The following UCMA variants were observed in gnomAD, a reference collection of about 807,000 sequenced individuals.
The protein encoded by UCMA is upper zone of growth plate and cartilage matrix-associated protein.
Under a neutral mutation model 21.8 loss-of-function variants are expected in UCMA, and 21 were observed. That is an observed-to-expected ratio of 0.97 (90% CI 0.68 to 1.39). The LOEUF is 1.39. Among genes scored for constraint, UCMA ranks in the 40% most tolerant of loss-of-function variants. The pLI, the probability that UCMA is intolerant of heterozygous loss-of-function variation, is 0.00. For missense variants in UCMA, 193 were observed against 178.9 expected (o/e 1.08, Z -0.45); for synonymous variants, 76 against 67.9 (o/e 1.12, Z -0.58).
Position 13,234,187 on chromosome 10 carries a change from C to A in UCMA, c.58+14G>T. The A allele has an allele frequency of 6.2e-7, 1 of 1,608,152 alleles. No homozygotes were observed. Among genetic ancestry groups the A allele is most frequent in the Non-Finnish European group, 8.5e-7 (1 of 1,177,748 alleles). ...TGTAACTAACACCCTCCACCTTGAC[C>A]CTCCTGTACTCACTAGACAGGAGCA... On this transcript the variant is annotated intron_variant, in intron 1 of 4. Transcript: ENST00000378681.
intron 3 of UCMA, among the ~76,000 whole-genome samples, chr10:13,233,077 C>A (rs1434208007): frequency 2.0e-5 from 3 of 152,166 alleles, no homozygotes; most frequent in Non-Finnish European, 4.4e-5. Context: ...TTCTCAGCAC[C>A]CAGTGTCCTG....
At position 13,233,461 on chromosome 10, in the gene UCMA, CTG is replaced by C. The variant is rs1017197740; in HGVS notation, c.220+75_220+76del. 15 of 1,201,476 alleles carry C rather than the reference CTG, an allele frequency of 1.2e-5. No homozygotes were observed. In the African/African-American group the frequency reaches 1.9e-4, roughly 16 times the overall value. 74.4% of individuals were successfully genotyped at this position (1,201,476 alleles called of 1,614,324 possible). Reference sequence around the variant, plus strand: ...CAGCTGCATCCTGCTGCCCGGCTGACTGTGGGAGAGGAGGAGCCGGGGGGTGT... The same window carrying C: ...CAGCTGCATCCTGCTGCCCGGCTGACTGGGAGAGGAGGAGCCGGGGGGTGT... On this transcript the variant is annotated intron_variant, in intron 3 of 4. Coordinates refer to ENST00000378681, the MANE Select transcript of UCMA (RefSeq NM_145314.3).
intron 4 of UCMA, among the ~76,000 whole-genome samples, chr10:13,227,554 C>T (rs1834838018): frequency 6.6e-6 from 1 of 151,930 alleles, no homozygotes; most frequent in Middle Eastern, 3.2e-3. Flanking sequence ...CCCATCTCTA[C>T]CCAAAATACA....
intron 3 of UCMA, among the ~76,000 whole-genome samples, chr10:13,232,435 T>G (rs927621810): frequency 5.3e-5 from 8 of 151,404 alleles, no homozygotes; most frequent in Non-Finnish European, 7.4e-5. Flanking sequence ...ATCATGCCTG[T>G]TTCCCCTGGA....
chr10:13,227,344 T>C (rs1410342929), intron 4 of UCMA, among the ~76,000 whole-genome samples: 1 of 152,172 alleles, frequency 6.6e-6, no homozygotes, highest in African/African-American at 2.4e-5. Context: ...GGGCCTCACG[T>C]CCAAGTTCAC....
At chr10:13,232,297 G>A (rs1760208767) in intron 3 of UCMA, among the ~76,000 whole-genome samples, 1 of 149,334 alleles carries the variant, frequency 6.7e-6, no homozygotes. Flanking sequence ...ACCTGAACCT[G>A]GGAGGTGGAG....
At chr10:13,227,767 CACACA>C (rs1834843152) in intron 4 of UCMA, among the ~76,000 whole-genome samples, 1 of 149,688 alleles carries the variant, frequency 6.7e-6, no homozygotes, top group African/African-American at 2.5e-5. Context: ...CACACACACA[CACACA>C]CACACACATT....
chr10:13,231,950 A>G (rs1319943147), intron 3 of UCMA, among the ~76,000 whole-genome samples: 5 of 152,152 alleles, frequency 3.3e-5, no homozygotes, highest in Non-Finnish European at 7.3e-5. Context: ...CAGCAGATGC[A>G]TTCATGCACA....
At chr10:13,222,374 C>G in intron 4 of UCMA, among the ~76,000 whole-genome samples, 174 bp from the exon 5 acceptor site, 1 of 152,306 alleles carries the variant, frequency 6.6e-6, no homozygotes, top group South Asian at 2.1e-4. Context: ...AGCTGACAAG[C>G]CTTGTGTATA....
Position 13,234,366 on chromosome 10 carries a change from G to T in UCMA, c.-108C>A, listed in dbSNP as rs1367132359. 8.5e-7 allele frequency: 1 copy of T among 1,173,790 alleles called. No homozygotes were observed. The highest frequency in any genetic ancestry group is 2.7e-5 in the East Asian group (1 of 37,094). The allele number at this position is 1,173,790 out of a possible 1,614,324, so 72.7% of individuals were successfully genotyped here. A position where few individuals can be genotyped will look rare whatever the true frequency, so the allele number is the denominator to read the frequency against. On this transcript the variant is annotated 5_prime_UTR_variant, in exon 1 of 5. Coordinates refer to ENST00000378681, the MANE Select transcript of UCMA (RefSeq NM_145314.3). ...GGCAGCCCAGGCGAGAGGAAGGAAG[G>T]CGGGGGAGGGAAGAGAGAGGCAGGA...
chr10:13,224,374 TAAAGAAAGAGAAG>T (rs1364166121), intron 4 of UCMA, among the ~76,000 whole-genome samples: 1 of 131,812 alleles, frequency 7.6e-6, no homozygotes, highest in Non-Finnish European at 1.7e-5. Context: ...AAAGAGAAAG[TAAAGAAAGAGAAG>T]AAAGAAAGAG....
chr10:13,225,176 C>A (rs1254652785), intron 4 of UCMA, among the ~76,000 whole-genome samples: 1 of 152,086 alleles, frequency 6.6e-6, no homozygotes, highest in African/African-American at 2.4e-5. Flanking sequence ...GCCTCAGCCT[C>A]CCAAGTTGCT....
intron 4 of UCMA, among the ~76,000 whole-genome samples, chr10:13,228,786 G>T (rs1225704724): frequency 6.6e-6 from 1 of 152,050 alleles, no homozygotes; most frequent in Non-Finnish European, 1.5e-5. Context: ...CCAAATAGGA[G>T]GAGGGAGGGA....
At chr10:13,228,764 G>A (rs761747836) in intron 4 of UCMA, among the ~76,000 whole-genome samples, 5 of 152,090 alleles carry the variant, frequency 3.3e-5, no homozygotes, top group African/African-American at 4.8e-5. Flanking sequence ...ACACAGACCA[G>A]TGCGGTGATG....
chr10:13,233,733 A>G lies in UCMA; in HGVS notation c.124+2T>C, dbSNP rs763641416. Reference sequence around the variant, plus strand: ...TGCCCCGTGGGTGGCCCCTGCACTCACCTTCACTCGCCTCTTCTCCCGCCA... The same window carrying G: ...TGCCCCGTGGGTGGCCCCTGCACTCGCCTTCACTCGCCTCTTCTCCCGCCA... On this transcript the variant is annotated splice_donor_variant, in intron 2 of 4. Coordinates refer to ENST00000378681, the MANE Select transcript of UCMA (RefSeq NM_145314.3). LOFTEE classifies it high-confidence loss of function. 6.2e-7 allele frequency: 1 copy of G among 1,613,856 alleles called. No homozygotes were observed. The highest frequency in any genetic ancestry group is 8.5e-7 in the Non-Finnish European group (1 of 1,179,978).
chr10:13,234,124 G>A, intron 1 of UCMA, 77 bp downstream of exon 1: 15 of 1,408,152 alleles, frequency 1.1e-5, no homozygotes, highest in South Asian at 1.4e-5. Context: ...TGCATCACCT[G>A]AGCAGCCTTA....
rs751231325 is a variant in UCMA at position 13,233,740 on chromosome 10, C to G, written c.119G>C (p.Ser40Thr). 2 of 1,613,942 alleles carry G rather than the reference C, an allele frequency of 1.2e-6. No individual in the cohort carries two copies. The highest frequency in any genetic ancestry group is 2.7e-5 in the African/African-American group (2 of 74,850). Residue 40 changes from serine (S) to threonine (T), a missense_variant, in exon 2 of 5, where the codon AGT becomes ACT. Ser to Thr is a moderately conservative substitution (Grantham distance 58). Transcript: ENST00000378681. ...GTMQMAGEEA[S>T]EDAKQKIFMQ... The stretch of plus-strand genomic sequence containing the variant: ...TGGGTGGCCCCTGCACTCACCTTCA[C>G]TCGCCTCTTCTCCCGCCATCTGCAT...
At chr10:13,230,511 G>C (rs1834884173) in intron 3 of UCMA, among the ~76,000 whole-genome samples, 1 of 152,160 alleles carries the variant, frequency 6.6e-6, no homozygotes, top group Non-Finnish European at 1.5e-5. Context: ...TGAAGCCAGG[G>C]AGGCCACGTC....
At chr10:13,229,422 C>T (rs964754196) in intron 4 of UCMA, among the ~76,000 whole-genome samples, 189 bp downstream of exon 4, 6 of 151,824 alleles carry the variant, frequency 4.0e-5, no homozygotes, top group Non-Finnish European at 7.4e-5. Flanking sequence ...AGGAGAATCG[C>T]TTGAACTTGG....
Sources: gnomAD v4.1 joint callset for allele counts (sites outside exome capture counted in the v4.1 genomes callset) on GRCh38, gnomAD v4.1.1 for gene constraint, MANE v1.5 for transcripts, NCBI Gene and HGNC (gene_info 2026-07-23, HGNC 2026-07-21) for gene names.